The following TNC variants were observed in gnomAD, a reference collection of about 807,000 sequenced individuals.
The protein encoded by TNC is tenascin.
In TNC, 109 loss-of-function variants were observed where a neutral mutation model predicts 202.4. The ratio of observed to expected loss-of-function variants is 0.54; its 90% CI spans 0.46 to 0.63. The LOEUF (loss-of-function observed/expected upper bound fraction) is 0.63, where lower values mean the gene tolerates loss of function less well. TNC is among the 30% of genes least tolerant of loss of function. TNC has a pLI of 0.00. For synonymous variants in TNC, 1,007 were observed against 1,089.7 expected (o/e 0.92, Z 1.50); for missense variants, 2,756 against 2,833.3 (o/e 0.97, Z 0.62).
chr9:115,088,617 A>G (rs1216517756), intron 2 of TNC, among the ~76,000 whole-genome samples: 1 of 152,150 alleles, frequency 6.6e-6, no homozygotes, highest in African/African-American at 2.4e-5. Context: ...ACTAGAGTAT[A>G]TTCACTCTGT....
chr9:115,052,097 C>CAT (rs895180005), intron 15 of TNC, among the ~76,000 whole-genome samples: 29 of 148,758 alleles, frequency 1.9e-4, no homozygotes, highest in East Asian at 5.9e-4. Context: ...TATATATACA[C>CAT]ATATATATAT....
At chr9:115,095,546 GTATATATA>G (rs1239126908) in intron 1 of TNC, among the ~76,000 whole-genome samples, 1 of 1,972 alleles carries the variant, frequency 5.1e-4, no homozygotes, top group African/African-American at 1.6e-3. Flanking sequence ...GTATATATAT[GTATATATA>G]TGTATATATA....
At position 115,049,582 on chromosome 9, in the gene TNC, G is replaced by A. The variant is rs1313066229; in HGVS notation, c.4580-1050C>T. ...AACCCCAATCAGTGATGGCAATCCT[G>A]AGGGATAAGGAGGATTAGTGGAGAA... On this transcript the variant is annotated intron_variant, in intron 15 of 27. Transcript: ENST00000350763. Among the ~76,000 whole-genome samples the A allele has an allele frequency of 2.0e-5, 3 of 152,004 alleles. No homozygotes were observed. The East Asian group carries it at 5.8e-4, about 29-fold the overall frequency.
rs565506426 is a variant in TNC at position 115,021,170 on chromosome 9, C to A, written c.6593G>T (p.Arg2198Leu). Residue 2198 changes from arginine to leucine, a missense_variant, in exon 28 of 28, where the codon CGC (arginine) becomes CTC (leucine). Coordinates refer to ENST00000350763, the MANE Select transcript of TNC (RefSeq NM_002160.4). ...GGTCCCTGGAATTTATGCCCGTTTG[C>A]GCCTGCCTTCAAGATTTCTGAAGTT... Reference protein sequence around the residue: ...PSNFRNLEGRRKRA With the variant: ...PSNFRNLEGRLKRA The A allele has an allele frequency of 6.2e-6, 10 of 1,613,680 alleles. No individual in the cohort carries two copies. Among genetic ancestry groups the A allele is most frequent in the Non-Finnish European group, 8.5e-6 (10 of 1,179,748 alleles).
At chr9:115,087,639 A>T (rs1261866240) in intron 2 of TNC, among the ~76,000 whole-genome samples, 1 of 150,738 alleles carries the variant, frequency 6.6e-6, no homozygotes, top group South Asian at 2.1e-4. Flanking sequence ...TATGATGATT[A>T]TGAGTCACTG....
chr9:115,114,859 A>G (rs1208938973), intron 1 of TNC: 1 of 152,148 alleles, frequency 6.6e-6, no homozygotes, highest in Non-Finnish European at 1.5e-5. Context: ...GTAATTTATA[A>G]TTTGTAGTGT....
chr9:115,066,080 A>G (rs1832929652), intron 10 of TNC, among the ~76,000 whole-genome samples: 1 of 152,142 alleles, frequency 6.6e-6, no homozygotes, highest in South Asian at 2.1e-4. Context: ...GGCTGAGCTA[A>G]GGAAGGTGAT....
At chr9:115,042,903 A>G (rs1830873537) in intron 17 of TNC, among the ~76,000 whole-genome samples, 1 of 152,160 alleles carries the variant, frequency 6.6e-6, no homozygotes, top group African/African-American at 2.4e-5. Flanking sequence ...GAATCCTGGA[A>G]ATAACGTTCA....
intron 11 of TNC, 112 bp from the exon 12 acceptor site, chr9:115,064,180 T>G: frequency 1.7e-6 from 2 of 1,172,176 alleles, no homozygotes; most frequent in Non-Finnish European, 2.4e-6. Flanking sequence ...TGTGACTTTC[T>G]TTAGATAAAC....
At chr9:115,064,201 C>G (rs1226786279) in intron 11 of TNC, 133 bp from the exon 12 acceptor site, 1 of 895,132 alleles carries the variant, frequency 1.1e-6, no homozygotes, top group African/African-American at 1.7e-5. Flanking sequence ...ATGCATCATG[C>G]AACTCTTTAA....
chr9:115,084,377 C>A lies in TNC; in HGVS notation c.1963G>T (p.Val655Leu). The change falls in exon 4 of 28, where the codon GTG becomes TTG. Residue 655 changes from valine to leucine, a missense_variant. Val to Leu is a conservative substitution (Grantham distance 32, BLOSUM62 1). Coordinates refer to ENST00000350763, the MANE Select transcript of TNC (RefSeq NM_002160.4). ...CCACCCTCGTGGGTGGGCGTGTACA[C>A]GACAAGGTACTCTGTGACCCGCATC... ...NEMRVTEYLV[V>L]YTPTHEGGLE... 1.2e-6 allele frequency: 2 copies of A among 1,614,190 alleles called. No individual in the cohort carries two copies. Among genetic ancestry groups the A allele is most frequent in the Non-Finnish European group, 1.7e-6 (2 of 1,180,030 alleles).
chr9:115,114,987 A>T (rs968284091), intron 1 of TNC: 3 of 152,148 alleles, frequency 2.0e-5, no homozygotes, highest in African/African-American at 7.2e-5. Context: ...GAGCCAACTA[A>T]ATGTTTGCAA....
At chr9:115,081,420 A>G (rs375511609) in intron 6 of TNC, among the ~76,000 whole-genome samples, 4 of 152,304 alleles carry the variant, frequency 2.6e-5, no homozygotes, top group East Asian at 1.9e-4. Flanking sequence ...TCTAATGCCA[A>G]TTTTGAACCT....
Position 115,038,307 on chromosome 9 carries a change from G to A in TNC, c.5466C>T (p.Ala1822=). 1 of 1,614,166 alleles carries A rather than the reference G, an allele frequency of 6.2e-7. No individual in the cohort carries two copies. The highest frequency in any genetic ancestry group is 8.5e-7 in the Non-Finnish European group (1 of 1,180,006). ...TGACATAACTGTCCACAGTGGCAAT[G>A]GCTGGCTGCCACCTGGCCAAGGCTT... The part of the protein sequence containing the change: ...DSEALARWQP[A]IATVDSYVIS... The change falls in exon 20 of 28, where the codon GCC becomes GCT. Residue 1822 remains alanine (A), a synonymous_variant. Transcript: ENST00000350763.
intron 10 of TNC, among the ~76,000 whole-genome samples, chr9:115,073,110 C>T (rs919303754): frequency 6.6e-6 from 1 of 152,270 alleles, no homozygotes; most frequent in African/African-American, 2.4e-5. Context: ...GTGTGCCACT[C>T]TTCAGGGGTA....
At chr9:115,071,313 T>C (rs2132965423) in intron 10 of TNC, among the ~76,000 whole-genome samples, 1 of 152,344 alleles carries the variant, frequency 6.6e-6, no homozygotes, top group Admixed American at 6.5e-5. Flanking sequence ...TAAAAAGAAC[T>C]TTGCACATTT....
chr9:115,057,732 C>A (rs370754068), intron 14 of TNC, among the ~76,000 whole-genome samples: 1 of 152,370 alleles, frequency 6.6e-6, no homozygotes, highest in East Asian at 1.9e-4. Context: ...GCATCTTAAC[C>A]ACACTTGCCT....
chr9:115,049,079 T>TTG (rs1554797514), intron 15 of TNC, among the ~76,000 whole-genome samples: 1 of 151,842 alleles, frequency 6.6e-6, no homozygotes, highest in African/African-American at 2.4e-5. Context: ...TAAGTTTTTT[T>TTG]TGTGTCAAAA....
intron 1 of TNC, among the ~76,000 whole-genome samples, chr9:115,109,039 C>T (rs1258886698): frequency 6.6e-6 from 1 of 152,198 alleles, no homozygotes; most frequent in Non-Finnish European, 1.5e-5. Flanking sequence ...AGCCCTAAAA[C>T]TATGTATTGA....
Sources: gnomAD v4.1 joint callset for allele counts (sites outside exome capture counted in the v4.1 genomes callset) on GRCh38, gnomAD v4.1.1 for gene constraint, MANE v1.5 for transcripts, NCBI Gene and HGNC (gene_info 2026-07-23, HGNC 2026-07-21) for gene names.